Variants in VPS35L observed in about 807,000 individuals in gnomAD.
The protein encoded by VPS35L is VPS35 endosomal protein-sorting factor-like.
In VPS35L, 83 loss-of-function variants were observed where a neutral mutation model predicts 133.0. The ratio of observed to expected loss-of-function variants is 0.62; its 90% CI spans 0.52 to 0.75. The LOEUF (loss-of-function observed/expected upper bound fraction) is 0.75. VPS35L is among the 30% of genes least tolerant of loss of function. The pLI, the probability that VPS35L is intolerant of heterozygous loss-of-function variation, is 0.00. For missense variants in VPS35L, 1,083 were observed against 1,206.8 expected (o/e 0.90, Z 1.52); for synonymous variants, 423 against 449.9 (o/e 0.94, Z 0.76).
intron 14 of VPS35L, among the ~76,000 whole-genome samples, chr16:19,621,034 A>G (rs1171305213): frequency 6.6e-6 from 1 of 152,204 alleles, no homozygotes; most frequent in Non-Finnish European, 1.5e-5. Context: ...GGGCAGTTTG[A>G]AAAATGCTGT....
chr16:19,564,446 T>A (rs1016497892), intron 1 of VPS35L, among the ~76,000 whole-genome samples: 10 of 152,126 alleles, frequency 6.6e-5, no homozygotes, highest in Non-Finnish European at 1.3e-4. Flanking sequence ...TGGCCCAGGC[T>A]GGAGTGGAGT....
intron 27 of VPS35L, among the ~76,000 whole-genome samples, chr16:19,675,444 G>A (rs1051260509): frequency 1.3e-5 from 2 of 152,110 alleles, no homozygotes; most frequent in African/African-American, 4.8e-5. Flanking sequence ...GGGAGTGTAG[G>A]TATCTCCTCA....
intron 4 of VPS35L, among the ~76,000 whole-genome samples, chr16:19,573,818 A>G (rs911545142): frequency 6.6e-6 from 1 of 152,156 alleles, no homozygotes; most frequent in African/African-American, 2.4e-5. Context: ...ATCTCAAAAA[A>G]AATTAATTAA....
At chr16:19,642,612 G>A (rs1400957355) in intron 22 of VPS35L, 136 bp downstream of exon 22, 4 of 705,716 alleles carry the variant, frequency 5.7e-6, no homozygotes, top group African/African-American at 3.6e-5. Flanking sequence ...TTTTGCTAAC[G>A]AGGACATTCC....
chr16:19,669,163 ATGCTTT>A lies in VPS35L; in HGVS notation c.2227_2232del (p.Ala743_Phe744del), dbSNP rs1974791085. The A allele has an allele frequency of 6.2e-7, 1 of 1,602,568 alleles. No homozygotes were observed. Among genetic ancestry groups the A allele is most frequent in the Non-Finnish European group, 8.5e-7 (1 of 1,172,296 alleles). On this transcript the variant is annotated inframe_deletion, in exon 27 of 31. Transcript: ENST00000417362. ...ACTTTTATCTTCTGTCTTGCAGCTG[ATGCTTT>A]TTTCAAAGCCGCTATAAGCCTTGTT...
At chr16:19,555,841 G>C in intron 1 of VPS35L, 95 bp downstream of exon 1, 4 of 1,480,612 alleles carry the variant, frequency 2.7e-6, no homozygotes, top group Admixed American at 2.3e-5. Flanking sequence ...CTCTCTGTCG[G>C]GTTCTGGTGG....
intron 12 of VPS35L, among the ~76,000 whole-genome samples, chr16:19,613,418 G>C (rs554765138): frequency 6.6e-6 from 1 of 152,340 alleles, no homozygotes; most frequent in East Asian, 1.9e-4. Context: ...CCAGTGTCTG[G>C]AGAGGCCAGG....
chr16:19,612,354 A>G (rs1972752301), intron 12 of VPS35L, among the ~76,000 whole-genome samples: 1 of 152,092 alleles, frequency 6.6e-6, no homozygotes, highest in Non-Finnish European at 1.5e-5. Flanking sequence ...CCTGGGTTCA[A>G]GCGATTCTCA....
intron 28 of VPS35L, among the ~76,000 whole-genome samples, chr16:19,686,403 A>C (rs192493412): frequency 6.6e-6 from 1 of 152,304 alleles, no homozygotes; most frequent in East Asian, 1.9e-4. Context: ...GACAGCGTGC[A>C]TGTTTGATGT....
chr16:19,631,202 G>A (rs137856196), intron 18 of VPS35L, among the ~76,000 whole-genome samples: 3,199 of 152,188 alleles, frequency 0.021, 55 homozygotes, highest in South Asian at 0.04. Context: ...CTGGTTTATG[G>A]TATTTTGGTA....
intron 12 of VPS35L, 49 bp from the exon 13 acceptor site, chr16:19,616,065 A>G (rs530216503): frequency 2.1e-6 from 3 of 1,455,286 alleles, no homozygotes; most frequent in South Asian, 1.2e-5. Flanking sequence ...AAATAAAATC[A>G]TACTATAGTC....
chr16:19,592,711 A>AT (rs1378744848), intron 8 of VPS35L, among the ~76,000 whole-genome samples: 2 of 137,662 alleles, frequency 1.5e-5, no homozygotes, highest in Non-Finnish European at 3.1e-5. Flanking sequence ...TTTTTTGGAG[A>AT]TAAAGTCTCT....
intron 3 of VPS35L, among the ~76,000 whole-genome samples, chr16:19,572,546 C>T (rs369633726): frequency 2.0e-5 from 3 of 152,288 alleles, no homozygotes; most frequent in South Asian, 4.1e-4. Context: ...GCATCCTTGC[C>T]AGCCTGACAT....
intron 1 of VPS35L, among the ~76,000 whole-genome samples, chr16:19,557,629 G>A (rs72767548): frequency 0.12 from 18,910 of 151,900 alleles, 1,310 homozygotes; most frequent in Middle Eastern, 0.18. Flanking sequence ...GTGATCCGCC[G>A]ACCTCGGGTT....
At chr16:19,694,266 A>G (rs1975822784) in intron 29 of VPS35L, 2 of 152,176 alleles carry the variant, frequency 1.3e-5, no homozygotes, top group Admixed American at 1.3e-4. Flanking sequence ...ATGAATCAAG[A>G]TGAGAAAATA....
rs1325251614 is a variant in VPS35L at position 19,623,175 on chromosome 16, G to T, written c.1225-3002G>T. Among the ~76,000 whole-genome samples, 4 of 151,828 alleles carry T rather than the reference G, an allele frequency of 2.6e-5. No homozygotes were observed. The South Asian group carries it at 6.3e-4, about 24-fold the overall frequency. Reference sequence around the variant, plus strand: ...ACGAGAGCCACTGTGATTGGTTTGGGTCTGTATTAATCTGCTTGGGCTCCC... The same window carrying T: ...ACGAGAGCCACTGTGATTGGTTTGGTTCTGTATTAATCTGCTTGGGCTCCC... On this transcript the variant is annotated intron_variant, in intron 14 of 30. Coordinates refer to ENST00000417362, the MANE Select transcript of VPS35L (RefSeq NM_020314.7).
chr16:19,638,491 C>G (rs1450638047), intron 20 of VPS35L, among the ~76,000 whole-genome samples: 3 of 152,218 alleles, frequency 2.0e-5, no homozygotes, highest in Non-Finnish European at 4.4e-5. Context: ...TACATACATA[C>G]CTACGGTAAA....
At chr16:19,674,925 A>G (rs76067429) in intron 27 of VPS35L, among the ~76,000 whole-genome samples, 45 of 151,182 alleles carry the variant, frequency 3.0e-4, no homozygotes, top group Non-Finnish European at 5.3e-4. Context: ...TCCATTGTGC[A>G]TGTGTATAAT....
At chr16:19,680,398 C>T (rs1567482337) in intron 27 of VPS35L, among the ~76,000 whole-genome samples, 1 of 152,156 alleles carries the variant, frequency 6.6e-6, no homozygotes, top group Non-Finnish European at 1.5e-5. Flanking sequence ...ATCAGGGACA[C>T]CATCCACATT....
Sources: allele counts gnomAD v4.1 joint callset (sites outside exome capture counted in the v4.1 genomes callset), GRCh38; gene constraint gnomAD v4.1.1; transcripts MANE v1.5; gene names NCBI Gene and HGNC (gene_info 2026-07-23, HGNC 2026-07-21).